The following MRPS6 variants were observed in gnomAD, a reference collection of about 807,000 sequenced individuals.
MRPS6 encodes small ribosomal subunit protein bS6m.
A neutral mutation model predicts 13.1 loss-of-function variants in MRPS6; 6 were observed. That is an observed-to-expected ratio of 0.46 (90% confidence interval 0.25 to 0.91). The LOEUF (loss-of-function observed/expected upper bound fraction) is 0.91. MRPS6 is among the 40% of genes least tolerant of loss of function. The pLI is 0.18. For missense variants in MRPS6, 164 were observed against 155.6 expected, an observed-to-expected ratio of 1.05 and a Z score of -0.29; for synonymous variants, 61 against 56.5, an observed-to-expected ratio of 1.08 and a Z score of -0.36.
At chr21:34,126,367 C>T (rs1347664749) in intron 2 of MRPS6, among the ~76,000 whole-genome samples, 2 of 152,170 alleles carry the variant, frequency 1.3e-5, no homozygotes, top group African/African-American at 2.4e-5. Context: ...TGTGATAGGG[C>T]CTGAGTGGAG....
chr21:34,122,586 GT>G (rs1377007870), intron 1 of MRPS6: 1 of 152,096 alleles, frequency 6.6e-6, no homozygotes, highest in African/African-American at 2.4e-5. Flanking sequence ...AGGGTAATGA[GT>G]TTTATACTGT....
At chr21:34,126,296 C>T (rs1035778538) in intron 2 of MRPS6, among the ~76,000 whole-genome samples, 5 of 152,212 alleles carry the variant, frequency 3.3e-5, no homozygotes, top group African/African-American at 1.2e-4. Flanking sequence ...CAGATGTGCT[C>T]TGCGACGAGA....
Position 34,096,227 on chromosome 21 carries a change from A to C in MRPS6, c.45+22482A>C, listed in dbSNP as rs753263598. The C allele has an allele frequency of 6.2e-7, 1 of 1,614,172 alleles. No individual in the cohort carries two copies. Among genetic ancestry groups the C allele is most frequent in the East Asian group, 2.2e-5 (1 of 44,874 alleles). On this transcript the variant is annotated intron_variant, in intron 1 of 2. Coordinates refer to ENST00000399312, the MANE Select transcript of MRPS6 (RefSeq NM_032476.4). This position sits in a 1 kb window ranked among gnomAD's most constrained non-coding sequence, Gnocchi z 5.9. ...ACTGCATGCTGGTGTGTGGAAGCAG[A>C]GCTGGTTGCTCCAATATTGCTTACC...
At chr21:34,080,338 C>T (rs1444621809) in intron 1 of MRPS6, among the ~76,000 whole-genome samples, 1 of 152,098 alleles carries the variant, frequency 6.6e-6, no homozygotes, top group Non-Finnish European at 1.5e-5. Context: ...AGTATGACTC[C>T]CAACTTATTT....
chr21:34,136,088 G>A (rs546566378), intron 2 of MRPS6: 6 of 226,186 alleles, frequency 2.7e-5, no homozygotes, highest in South Asian at 7.4e-5. Flanking sequence ...GGCACAGCCC[G>A]AGTGTCTCTG....
intron 1 of MRPS6, among the ~76,000 whole-genome samples, chr21:34,093,581 AATC>A (rs139030432): frequency 0.021 from 3,256 of 152,268 alleles, 121 homozygotes; most frequent in African/African-American, 0.073. Flanking sequence ...AAATGCCTAG[AATC>A]ATCAGAAAAA....
chr21:34,139,392 A>G (rs931104200), intron 2 of MRPS6, among the ~76,000 whole-genome samples: 4 of 152,134 alleles, frequency 2.6e-5, no homozygotes. Context: ...CAGTGAAGTC[A>G]TTTGGGCCTG....
chr21:34,139,580 T>A (rs1225313671), intron 2 of MRPS6, among the ~76,000 whole-genome samples: 1 of 152,186 alleles, frequency 6.6e-6, no homozygotes, highest in Non-Finnish European at 1.5e-5. Flanking sequence ...AGTTGTTAAA[T>A]TTAATGCTTT....
intron 2 of MRPS6, among the ~76,000 whole-genome samples, chr21:34,127,951 A>G (rs987502368): frequency 3.9e-5 from 6 of 152,232 alleles, no homozygotes; most frequent in African/African-American, 1.4e-4. Context: ...ATCCGAAATT[A>G]CGGCAAGGCG....
chr21:34,106,605 C>G (rs1602942653), intron 1 of MRPS6, among the ~76,000 whole-genome samples: 1 of 152,228 alleles, frequency 6.6e-6, no homozygotes, highest in East Asian at 1.9e-4. Flanking sequence ...AACATACTGC[C>G]TGCCACATTG....
intron 1 of MRPS6, among the ~76,000 whole-genome samples, chr21:34,116,214 G>GTGTGTGTGTGTGTA (rs1448441396): frequency 4.1e-5 from 6 of 145,470 alleles, no homozygotes; most frequent in African/African-American, 1.5e-4. Flanking sequence ...GTGTGTGTGT[G>GTGTGTGTGTGTGTA]TGTATGTGTG....
chr21:34,134,779 C>T (rs916630915), intron 2 of MRPS6, among the ~76,000 whole-genome samples: 15 of 152,064 alleles, frequency 9.9e-5, no homozygotes, highest in African/African-American at 3.6e-4. Flanking sequence ...CCCAAACAAC[C>T]AGTCTGTTTT....
rs77950765 is a variant in MRPS6, at chr21:34,086,037, A to G, written c.45+12292A>G. Among the ~76,000 whole-genome samples the G allele has an allele frequency of 7.5e-3, 1,141 of 152,332 alleles. 13 individuals carry two copies. The highest frequency in any genetic ancestry group is 0.026 in the African/African-American group (1,095 of 41,570). On this transcript the variant is annotated intron_variant, in intron 1 of 2. Coordinates refer to ENST00000399312, the MANE Select transcript of MRPS6 (RefSeq NM_032476.4). ...TTCTGGTTGACTCTGAATCTAAACA[A>G]GGTCCACAAATTATGTTTGCTTAAT... is the stretch of plus-strand genomic sequence containing the variant.
intron 1 of MRPS6, chr21:34,122,044 G>T (rs1980138830): frequency 6.6e-6 from 1 of 152,198 alleles, no homozygotes; most frequent in African/African-American, 2.4e-5. Context: ...CAGGCTCATG[G>T]TTTTATTTGT....
At chr21:34,128,012 A>T (rs139131605) in intron 2 of MRPS6, among the ~76,000 whole-genome samples, 2 of 152,232 alleles carry the variant, frequency 1.3e-5, no homozygotes, top group Non-Finnish European at 2.9e-5. Flanking sequence ...TGGCTGGCTA[A>T]TGGAGTGAGC....
chr21:34,097,520 T>C (rs1366795870), intron 1 of MRPS6: 3 of 1,391,982 alleles, frequency 2.2e-6, no homozygotes, highest in Non-Finnish European at 1.9e-6. Flanking sequence ...TTCCCAGAGA[T>C]GGATTAAAGT....
At chr21:34,104,363 C>T (rs1287565807) in intron 1 of MRPS6, 2 of 1,000,000 alleles carry the variant, frequency 2.0e-6, no homozygotes, top group African/African-American at 1.7e-5. Context: ...TTGCCCTTTT[C>T]CACCTCCTCA....
chr21:34,122,572 G>A (rs1226561558), intron 1 of MRPS6: 1 of 152,096 alleles, frequency 6.6e-6, no homozygotes, highest in Non-Finnish European at 1.5e-5. Context: ...TCTTACTTCA[G>A]AAGAGGGTAA....
intron 1 of MRPS6, chr21:34,095,196 A>G: frequency 6.3e-7 from 1 of 1,581,894 alleles, no homozygotes; most frequent in Middle Eastern, 1.7e-4. Flanking sequence ...ACAAGTTACC[A>G]GAATGAGAGC....
Sources: gnomAD v4.1 joint callset for allele counts (sites outside exome capture counted in the v4.1 genomes callset) on GRCh38, gnomAD v4.1.1 for gene constraint, Gnocchi (gnomAD v3.1) non-coding constraint, MANE v1.5 for transcripts, NCBI Gene and HGNC (gene_info 2026-07-23, HGNC 2026-07-21) for gene names.